The following ANKH variants were observed in gnomAD, a reference collection of about 807,000 sequenced individuals.
The protein encoded by ANKH is mineralization regulator ANKH.
In ANKH, 15 loss-of-function variants were observed where a neutral mutation model predicts 49.0. The observed-to-expected ratio is 0.31, with a 90% CI of 0.20 to 0.47. The LOEUF is 0.47. Ranked by LOEUF, ANKH falls within the 20% of genes least tolerant of loss-of-function variation. The pLI, the probability that ANKH is intolerant of heterozygous loss-of-function variation, is 1.00. For missense variants in ANKH, 429 were observed against 652.0 expected (o/e 0.66, Z 3.72); for synonymous variants, 273 against 260.0 (o/e 1.05, Z -0.48).
intron 1 of ANKH, among the ~76,000 whole-genome samples, chr5:14,774,036 T>C (rs1739533763): frequency 6.6e-6 from 1 of 152,202 alleles, no homozygotes; most frequent in Non-Finnish European, 1.5e-5. Context: ...TCAAGAAACA[T>C]TCAAAAGTAT....
intron 1 of ANKH, among the ~76,000 whole-genome samples, chr5:14,848,116 G>T (rs1244854797): frequency 6.6e-6 from 1 of 152,186 alleles, no homozygotes; most frequent in African/African-American, 2.4e-5. Context: ...CTCCAGCCTG[G>T]CGATGGACCG....
chr5:14,815,508 C>T (rs1289407513), intron 1 of ANKH, among the ~76,000 whole-genome samples: 1 of 152,198 alleles, frequency 6.6e-6, no homozygotes, highest in African/African-American at 2.4e-5. Flanking sequence ...ATCAATCATT[C>T]TAAAAATATG....
At chr5:14,870,877 C>T (rs1735796038) in intron 1 of ANKH, 1 of 343,384 alleles carries the variant, frequency 2.9e-6, no homozygotes, top group Non-Finnish European at 5.7e-6. Flanking sequence ...TTCGGGATAC[C>T]CCTAATCCTT....
chr5:14,739,276 G>A (rs946587308), intron 8 of ANKH, among the ~76,000 whole-genome samples: 1 of 152,140 alleles, frequency 6.6e-6, no homozygotes, highest in Non-Finnish European at 1.5e-5. Flanking sequence ...AATCAGCCGG[G>A]TGTGGTGGCG....
At chr5:14,832,530 G>A (rs547474326) in intron 1 of ANKH, among the ~76,000 whole-genome samples, 35 of 152,254 alleles carry the variant, frequency 2.3e-4, no homozygotes, top group Middle Eastern at 3.4e-3. Context: ...AGTAAGTAAC[G>A]GAGTTATAGA....
intron 11 of ANKH, among the ~76,000 whole-genome samples, chr5:14,711,801 G>A (rs1358772068): frequency 1.3e-5 from 2 of 152,194 alleles, no homozygotes. Context: ...TCACTTCCCT[G>A]CCATGTTGCC....
chr5:14,800,631 A>G (rs1186396698), intron 1 of ANKH, among the ~76,000 whole-genome samples: 1 of 152,148 alleles, frequency 6.6e-6, no homozygotes, highest in Non-Finnish European at 1.5e-5. Context: ...TTAGCAATGG[A>G]GTATCTTTTA....
At chr5:14,800,318 A>G (rs1740531636) in intron 1 of ANKH, among the ~76,000 whole-genome samples, 1 of 152,280 alleles carries the variant, frequency 6.6e-6, no homozygotes, top group African/African-American at 2.4e-5. Flanking sequence ...AGAATATTAC[A>G]TAAGCTTAGT....
Position 14,713,190 on chromosome 5 carries a change from C to T in ANKH, c.1266-217G>A, listed in dbSNP as rs1737304903. Among the ~76,000 whole-genome samples the T allele has an allele frequency of 6.6e-6, 1 of 152,166 alleles. No homozygotes were observed. The highest frequency in any genetic ancestry group is 2.4e-5 in the African/African-American group (1 of 41,440). ...CACCTCCCTCCCACAGCACATGGAT[C>T]CCACAGCCCTTCCCACCCTCCCCAG... On this transcript the variant is annotated intron_variant, in intron 10 of 11. Coordinates refer to ENST00000284268, the MANE Select transcript of ANKH (RefSeq NM_054027.6). The surrounding 1 kb of genome is among the most constrained non-coding windows in gnomAD (Gnocchi z 4.4).
rs116295539 is a variant in ANKH, at chr5:14,782,754, G to A, written c.97-13563C>T. Among the ~76,000 whole-genome samples the A allele has an allele frequency of 7.0e-3, 1,062 of 152,214 alleles. 6 individuals are homozygous for A. Among genetic ancestry groups the A allele is most frequent in the Middle Eastern group, 0.017 (5 of 294 alleles). ...AGAAAATGAGAATAAAAGAAATCAG[G>A]TCAATTATATTGTGCAATCATGACT... On this transcript the variant is annotated intron_variant, in intron 1 of 11. Coordinates refer to ENST00000284268, the MANE Select transcript of ANKH (RefSeq NM_054027.6).
chr5:14,764,412 A>G (rs990630412), intron 2 of ANKH, among the ~76,000 whole-genome samples: 1 of 152,186 alleles, frequency 6.6e-6, no homozygotes, highest in Non-Finnish European at 1.5e-5. Context: ...GACTATGTGG[A>G]GGAGAGTTCA....
chr5:14,746,020 C>T (rs1382192262), intron 6 of ANKH, 58 bp from the exon 7 acceptor site: 4 of 1,435,616 alleles, frequency 2.8e-6, no homozygotes, highest in Non-Finnish European at 3.9e-6. Flanking sequence ...CCTCCAGGAG[C>T]TACAGTAGGT....
intron 8 of ANKH, among the ~76,000 whole-genome samples, chr5:14,732,499 T>C (rs1172780156): frequency 2.6e-5 from 4 of 152,174 alleles, no homozygotes; most frequent in African/African-American, 9.7e-5. Flanking sequence ...TAGATACATA[T>C]ATATAATTCA....
At chr5:14,721,597 G>C (rs1737660868) in intron 8 of ANKH, among the ~76,000 whole-genome samples, 1 of 152,132 alleles carries the variant, frequency 6.6e-6, no homozygotes, top group Admixed American at 6.5e-5. Context: ...ATATAACTTA[G>C]GTATACATAT....
intron 1 of ANKH, among the ~76,000 whole-genome samples, chr5:14,863,157 C>T (rs904045017): frequency 1.3e-5 from 2 of 152,206 alleles, no homozygotes; most frequent in African/African-American, 4.8e-5. Context: ...CTGATTACCA[C>T]TAACCAGTTG....
chr5:14,819,898 TATACACAC>T (rs1284824294), intron 1 of ANKH, among the ~76,000 whole-genome samples: 54 of 87,134 alleles, frequency 6.2e-4, no homozygotes, highest in Admixed American at 2.1e-3. Context: ...ACAACAAAAA[TATACACAC>T]ACACACACAC....
intron 1 of ANKH, among the ~76,000 whole-genome samples, chr5:14,809,313 T>C (rs1267330386): frequency 1.0e-5 from 1 of 96,506 alleles, no homozygotes; most frequent in Non-Finnish European, 1.9e-5. Context: ...TGTGCACATG[T>C]ACCCTAAAAC....
At chr5:14,719,246 A>G (rs774273246) in intron 8 of ANKH, among the ~76,000 whole-genome samples, 2 of 152,248 alleles carry the variant, frequency 1.3e-5, no homozygotes, top group African/African-American at 2.4e-5. Context: ...TCTACCCTAG[A>G]ACTCTAAACC....
chr5:14,758,046 G>C (rs370839421), intron 3 of ANKH, among the ~76,000 whole-genome samples: 11 of 152,180 alleles, frequency 7.2e-5, no homozygotes, highest in African/African-American at 2.7e-4. Flanking sequence ...GCTGACGAAC[G>C]GATACACAAG....
Sources: gnomAD v4.1 joint callset for allele counts (sites outside exome capture counted in the v4.1 genomes callset) on GRCh38, gnomAD v4.1.1 for gene constraint, Gnocchi (gnomAD v3.1) non-coding constraint, MANE v1.5 for transcripts, NCBI Gene and HGNC (gene_info 2026-07-23, HGNC 2026-07-21) for gene names.